Variants in FNTA observed in about 807,000 individuals in gnomAD.
FNTA encodes the protein protein farnesyltransferase/geranylgeranyltransferase type-1 subunit alpha.
In FNTA, 27 loss-of-function variants were observed where a neutral mutation model predicts 55.2. That is an observed-to-expected ratio of 0.49 (90% CI 0.36 to 0.67). The LOEUF (loss-of-function observed/expected upper bound fraction) is 0.67, where lower values mean the gene tolerates loss of function less well. Ranked by LOEUF, FNTA falls within the 30% of genes least tolerant of loss-of-function variation. FNTA has a pLI of 0.00. For synonymous variants in FNTA, 176 were observed against 170.7 expected (o/e 1.03, Z -0.24); for missense variants, 422 against 464.7 (o/e 0.91, Z 0.85).
chr8:43,066,313 G>A (rs1010657360), intron 3 of FNTA, among the ~76,000 whole-genome samples: 1 of 150,126 alleles, frequency 6.7e-6, no homozygotes. Flanking sequence ...CTGGAGTGCA[G>A]TGGCTCGATC....
chr8:43,072,702 G>T (rs1393770712), intron 5 of FNTA, among the ~76,000 whole-genome samples: 1 of 152,082 alleles, frequency 6.6e-6, no homozygotes, highest in African/African-American at 2.4e-5. Flanking sequence ...AGTCTACCCT[G>T]GGCAGCAGAG....
chr8:43,069,421 A>T, intron 3 of FNTA, 134 bp from the exon 4 acceptor site: 1 of 620,810 alleles, frequency 1.6e-6, no homozygotes, highest in Non-Finnish European at 2.9e-6. Flanking sequence ...TGCTTGGCCT[A>T]TAATTGTTAA....
chr8:43,056,434 C>A lies in FNTA; in HGVS notation c.88C>A (p.Pro30Thr). The change falls in exon 1 of 9, where the codon CCG becomes ACG. Residue 30 changes from proline (P) to threonine (T), a missense_variant. This residue lies in a region of FNTA where 160 missense variants were observed against 121.6 expected (regional missense o/e 1.32). Coordinates refer to ENST00000302279, the MANE Select transcript of FNTA (RefSeq NM_002027.3). ...ACCCCCGCCCCAGCCGCACCCACCG[C>A]CGCCCCAGCAGCAGCACAAGGAAGA... is the stretch of plus-strand genomic sequence containing the variant. ...AQPPPQPHPP[P>T]PQQQHKEEMA... 1 of 1,541,582 alleles carries A rather than the reference C, an allele frequency of 6.5e-7. No homozygotes were observed. The highest frequency in any genetic ancestry group is 8.7e-7 in the Non-Finnish European group (1 of 1,147,410).
Position 43,056,542 on chromosome 8 carries a change from T to C in FNTA, c.196T>C (p.Tyr66His). Residue 66 changes from tyrosine to histidine, a missense_variant, in exon 1 of 9, where the codon TAC becomes CAC. Coordinates refer to ENST00000302279, the MANE Select transcript of FNTA (RefSeq NM_002027.3). ...CCTGGACTCGCCCTCCTATGTCCTGTACAGGTAACGCCCCCGCGGCGGCCG... is the reference window on the plus strand; with the variant it reads ...CCTGGACTCGCCCTCCTATGTCCTGCACAGGTAACGCCCCCGCGGCGGCCG... Reference protein sequence around the residue: ...VSLDSPSYVLYRDRAEWADID... With the variant: ...VSLDSPSYVLHRDRAEWADID... 6.8e-7 allele frequency: 1 copy of C among 1,481,060 alleles called. No homozygotes were observed. The highest frequency in any genetic ancestry group is 9.0e-7 in the Non-Finnish European group (1 of 1,112,638). The allele number at this position is 1,481,060 out of a possible 1,614,324, so 91.7% of individuals were successfully genotyped here. A position where few individuals can be genotyped will look rare whatever the true frequency, so the allele number is the denominator to read the frequency against.
At position 43,059,122 on chromosome 8, in the gene FNTA, G is replaced by C; in HGVS notation, c.231G>C (p.Pro77=). Residue 77 remains proline, a synonymous_variant, in exon 2 of 9, where the codon CCG becomes CCC. Coordinates refer to ENST00000302279, the MANE Select transcript of FNTA (RefSeq NM_002027.3). The stretch of plus-strand genomic sequence containing the variant: ...GAGCAGAATGGGCTGATATAGATCC[G>C]GTGCCGCAGAATGATGGCCCCAATC... The part of the protein sequence containing the change: ...RDRAEWADID[P]VPQNDGPNPV... 1 of 1,613,514 alleles carries C rather than the reference G, an allele frequency of 6.2e-7. No individual in the cohort carries two copies. Among genetic ancestry groups the C allele is most frequent in the Non-Finnish European group, 8.5e-7 (1 of 1,179,836 alleles).
At chr8:43,069,348 G>C (rs966992307) in intron 3 of FNTA, among the ~76,000 whole-genome samples, 1 of 151,918 alleles carries the variant, frequency 6.6e-6, no homozygotes, top group South Asian at 2.1e-4. Context: ...TCAAACTCTT[G>C]ACCTCATGTG....
Position 43,085,662 on chromosome 8 carries a change from A to G in FNTA, c.*380A>G, listed in dbSNP as rs1811115323. The stretch of plus-strand genomic sequence containing the variant: ...ATGTGAGGTAGCCGAAGTTTGGTTC[A>G]GTAAGCAGGGAATACAGTCGTTCCA... On this transcript the variant is annotated 3_prime_UTR_variant, in exon 9 of 9. Coordinates refer to ENST00000302279, the MANE Select transcript of FNTA (RefSeq NM_002027.3). 5.1e-6 allele frequency: 1 copy of G among 196,428 alleles called. No homozygotes were observed. Among genetic ancestry groups the G allele is most frequent in the Non-Finnish European group, 1.0e-5 (1 of 98,278 alleles). 12.2% of individuals were successfully genotyped at this position (196,428 alleles called of 1,614,324 possible).
At chr8:43,064,023 T>C in intron 2 of FNTA, 78 bp from the exon 3 acceptor site, 1 of 854,204 alleles carries the variant, frequency 1.2e-6, no homozygotes. Context: ...AATATCTTTA[T>C]AGGTATAGTG....
At chr8:43,070,180 C>G (rs975829363) in intron 4 of FNTA, 8 of 151,740 alleles carry the variant, frequency 5.3e-5, no homozygotes, top group African/African-American at 1.9e-4. Context: ...ACTCAAGGAG[C>G]GTGCCTGTAA....
intron 7 of FNTA, 32 bp downstream of exon 7, chr8:43,083,212 A>C (rs1179856678): frequency 2.3e-6 from 3 of 1,329,916 alleles, no homozygotes; most frequent in Non-Finnish European, 3.2e-6. Context: ...TTTTATATAT[A>C]AAAAAGAAGT....
intron 5 of FNTA, among the ~76,000 whole-genome samples, chr8:43,073,900 A>G (rs1175318649): frequency 6.6e-6 from 1 of 152,198 alleles, no homozygotes; most frequent in African/African-American, 2.4e-5. Context: ...TCTATATGGA[A>G]AACTATTTTA....
In FNTA at chr8:43,074,498, C is replaced by T. The variant is rs1055598784; in HGVS notation, c.633+2191C>T. Among the ~76,000 whole-genome samples the T allele has an allele frequency of 5.3e-5, 8 of 152,006 alleles. 1 individual carries two copies. Among genetic ancestry groups the T allele is most frequent in the South Asian group, 4.2e-4 (2 of 4,818 alleles). On this transcript the variant is annotated intron_variant, in intron 5 of 8. Transcript: ENST00000302279. Reference sequence around the variant, plus strand: ...TATGCTCACGCCACCACAGTCCATCCTGGGCAACAAAATGAGACCCTGTCT... The same window carrying T: ...TATGCTCACGCCACCACAGTCCATCTTGGGCAACAAAATGAGACCCTGTCT...
intron 3 of FNTA, among the ~76,000 whole-genome samples, chr8:43,068,914 G>A (rs1250936978): frequency 1.3e-5 from 2 of 152,030 alleles, no homozygotes; most frequent in Admixed American, 1.3e-4. Flanking sequence ...GTTTCTCCAT[G>A]TTGGTTAGGC....
intron 3 of FNTA, among the ~76,000 whole-genome samples, chr8:43,067,936 G>A (rs913160740): frequency 6.6e-6 from 1 of 152,126 alleles, no homozygotes; most frequent in African/African-American, 2.4e-5. Context: ...GTCTTGCTCT[G>A]TCGCCCAGGC....
At chr8:43,062,478 C>T (rs1810558124) in intron 2 of FNTA, among the ~76,000 whole-genome samples, 1 of 151,970 alleles carries the variant, frequency 6.6e-6, no homozygotes, top group Non-Finnish European at 1.5e-5. Flanking sequence ...GATGGGGTTT[C>T]ACCATGTTGG....
At chr8:43,085,045 CTCT>C in intron 8 of FNTA, 112 bp from the exon 9 acceptor site, 1 of 1,133,118 alleles carries the variant, frequency 8.8e-7, no homozygotes, top group African/African-American at 1.6e-5. Context: ...CAGCCGGTGA[CTCT>C]TAATAGTGTG....
At chr8:43,077,446 A>G in intron 6 of FNTA, 82 bp downstream of exon 6, 1 of 1,082,268 alleles carries the variant, frequency 9.2e-7, no homozygotes, top group Admixed American at 2.1e-5. Flanking sequence ...GATACAGCAG[A>G]TCAAGATCCT....
Position 43,056,378 on chromosome 8 carries a change from C to G in FNTA, c.32C>G (p.Ala11Gly). ...GCCACCGAGGGGGTCGGGGAGGCTG[C>G]GCAAGGGGGCGAGCCCGGGCAGCCG... MAATEGVGEAAQGGEPGQPAQ... is the reference protein window; with the variant it reads MAATEGVGEAGQGGEPGQPAQ... The change falls in exon 1 of 9, where the codon GCG becomes GGG. Residue 11 changes from alanine (A) to glycine (G), a missense_variant. This residue lies in a region of FNTA where 160 missense variants were observed against 121.6 expected (regional missense o/e 1.32). Coordinates refer to ENST00000302279, the MANE Select transcript of FNTA (RefSeq NM_002027.3). The G allele has an allele frequency of 6.8e-7, 1 of 1,473,628 alleles. No homozygotes were observed. Among genetic ancestry groups the G allele is most frequent in the Non-Finnish European group, 9.0e-7 (1 of 1,115,608 alleles). The allele number at this position is 1,473,628 out of a possible 1,614,324, so 91.3% of individuals were successfully genotyped here.
intron 2 of FNTA, among the ~76,000 whole-genome samples, chr8:43,060,716 A>C (rs1810512106): frequency 6.6e-6 from 1 of 151,948 alleles, no homozygotes; most frequent in Admixed American, 6.6e-5. Context: ...ATTCTTACAT[A>C]CACCATGGTT....
Sources: allele counts gnomAD v4.1 joint callset (sites outside exome capture counted in the v4.1 genomes callset), GRCh38; gene constraint gnomAD v4.1.1; regional missense constraint gnomAD v4.1.1; transcripts MANE v1.5; gene names NCBI Gene and HGNC (gene_info 2026-07-23, HGNC 2026-07-21).